MYO5A: variants seen among roughly 807,000 people sequenced by gnomAD.
The protein encoded by MYO5A is unconventional myosin-Va.
MYO5A carries 98 observed loss-of-function variants against 249.7 expected under a neutral mutation model. The ratio of observed to expected loss-of-function variants is 0.39; its 90% CI spans 0.33 to 0.46. The LOEUF (loss-of-function observed/expected upper bound fraction) is 0.46, where lower values mean the gene tolerates loss of function less well. Among genes scored for constraint, MYO5A ranks in the 20% least tolerant of loss-of-function variants. The probability of loss-of-function intolerance (pLI) is 0.98; values close to 1 mark genes in which losing one functional copy is unlikely to be tolerated. For synonymous variants in MYO5A, 778 were observed against 810.6 expected (o/e 0.96, Z 0.68); for missense variants, 1,696 against 2,308.8 (o/e 0.73, Z 5.44).
intron 37 of MYO5A, 71 bp downstream of exon 37, chr15:52,323,284 C>G (rs1166226163): frequency 7.2e-7 from 1 of 1,383,686 alleles, no homozygotes; most frequent in African/African-American, 1.4e-5. Context: ...ACATTTTGTG[C>G]TTTTACATTT....
chr15:52,522,459 C>G (rs1035563438), intron 1 of MYO5A, among the ~76,000 whole-genome samples: 5 of 152,092 alleles, frequency 3.3e-5, no homozygotes, highest in African/African-American at 1.2e-4. Flanking sequence ...GGAGGACATG[C>G]CTTCAGGTGA....
At chr15:52,348,155 G>A (rs2039739723) in intron 29 of MYO5A, among the ~76,000 whole-genome samples, 1 of 152,118 alleles carries the variant, frequency 6.6e-6, no homozygotes, top group Non-Finnish European at 1.5e-5. Flanking sequence ...TGGCACTTGG[G>A]GAATGGGATC....
chr15:52,410,872 G>C (rs1461199149), intron 5 of MYO5A, among the ~76,000 whole-genome samples: 1 of 152,110 alleles, frequency 6.6e-6, no homozygotes, highest in African/African-American at 2.4e-5. Flanking sequence ...CACCACACCT[G>C]GCCAAAACTG....
chr15:52,363,216 C>T (rs938570655), intron 24 of MYO5A, among the ~76,000 whole-genome samples: 1 of 152,032 alleles, frequency 6.6e-6, no homozygotes, highest in Non-Finnish European at 1.5e-5. Context: ...AACATGAACA[C>T]TGAAAAAGAA....
chr15:52,427,376 T>C (rs1378527818), intron 3 of MYO5A, among the ~76,000 whole-genome samples: 1 of 151,816 alleles, frequency 6.6e-6, no homozygotes, highest in East Asian at 1.9e-4. Flanking sequence ...AGAAAATATA[T>C]ATATACATAA....
intron 1 of MYO5A, among the ~76,000 whole-genome samples, chr15:52,471,203 T>C (rs1327142954): frequency 3.3e-5 from 5 of 152,188 alleles, no homozygotes; most frequent in African/African-American, 1.2e-4. Flanking sequence ...ATAGTACAGT[T>C]ATCTTGTCCC....
chr15:52,476,081 G>A (rs1015735926), intron 1 of MYO5A, among the ~76,000 whole-genome samples: 1 of 152,080 alleles, frequency 6.6e-6, no homozygotes, highest in African/African-American at 2.4e-5. Flanking sequence ...CTCCTGTATT[G>A]GGTGCATATA....
At position 52,361,694 on chromosome 15, in the gene MYO5A, T is replaced by C. The variant is rs549236149; in HGVS notation, c.3310-1613A>G. On this transcript the variant is annotated intron_variant, in intron 24 of 41. Coordinates refer to ENST00000399233, the MANE Select transcript of MYO5A (RefSeq NM_001382347.1). Reference sequence around the variant, plus strand: ...TTCAATGAATGTTAACTTCTGCTGCTGTGATTGTTAGGAGATTGCAGTGAT... The same window carrying C: ...TTCAATGAATGTTAACTTCTGCTGCCGTGATTGTTAGGAGATTGCAGTGAT... Among the ~76,000 whole-genome samples the C allele has an allele frequency of 1.6e-4, 25 of 152,382 alleles. No individual in the cohort carries two copies. In the South Asian group the frequency reaches 4.6e-3, roughly 28 times the overall value.
intron 1 of MYO5A, among the ~76,000 whole-genome samples, chr15:52,515,732 G>C (rs2077483793): frequency 6.6e-6 from 1 of 152,174 alleles, no homozygotes; most frequent in African/African-American, 2.4e-5. Context: ...TGTCTGTAGG[G>C]ATCTAGGTTT....
chr15:52,480,298 T>C (rs2076689090), intron 1 of MYO5A, among the ~76,000 whole-genome samples: 1 of 152,216 alleles, frequency 6.6e-6, no homozygotes, highest in South Asian at 2.1e-4. Context: ...CCATCTACAA[T>C]TTGATCTATT....
chr15:52,337,457 T>C (rs1037156956), intron 33 of MYO5A, among the ~76,000 whole-genome samples: 1 of 152,208 alleles, frequency 6.6e-6, no homozygotes, highest in Non-Finnish European at 1.5e-5. Context: ...AAATATTCAT[T>C]TTCCAGTTTA....
chr15:52,482,147 G>C lies in MYO5A; in HGVS notation c.27+46633C>G, dbSNP rs190119006. Among the ~76,000 whole-genome samples, 13 of 152,320 alleles carry C rather than the reference G, an allele frequency of 8.5e-5. No individual in the cohort carries two copies. In the East Asian group the frequency reaches 2.1e-3, roughly 25 times the overall value. ...CACAGGCAAAGATCATACGGAGAAA[G>C]ATGAAAGAGGCATGCACGGGGTCTG... On this transcript the variant is annotated intron_variant, in intron 1 of 41. Coordinates refer to ENST00000399233, the MANE Select transcript of MYO5A (RefSeq NM_001382347.1).
At chr15:52,510,103 A>C (rs1416266989) in intron 1 of MYO5A, among the ~76,000 whole-genome samples, 1 of 58,072 alleles carries the variant, frequency 1.7e-5, no homozygotes, top group Non-Finnish European at 4.6e-5. Flanking sequence ...GACTAAAATG[A>C]AAACCATTCA....
At chr15:52,376,163 T>C (rs761514088) in intron 19 of MYO5A, among the ~76,000 whole-genome samples, 184 bp downstream of exon 19, 5 of 152,198 alleles carry the variant, frequency 3.3e-5, no homozygotes, top group Non-Finnish European at 5.9e-5. Flanking sequence ...TGAAGATAAA[T>C]CTGAATCATT....
chr15:52,404,090 AC>A (rs1315385039), intron 9 of MYO5A, among the ~76,000 whole-genome samples: 2 of 152,010 alleles, frequency 1.3e-5, no homozygotes, highest in Non-Finnish European at 2.9e-5. Flanking sequence ...ACATGGCAAA[AC>A]CCCATCTCTA....
At chr15:52,440,250 G>T (rs975111732) in intron 1 of MYO5A, among the ~76,000 whole-genome samples, 1 of 151,798 alleles carries the variant, frequency 6.6e-6, no homozygotes, top group African/African-American at 2.4e-5. Flanking sequence ...GGAGGCACCA[G>T]CCATCTTTTT....
chr15:52,378,529 A>AAAAAAAAAAAAAAAAAAAAAAG lies in MYO5A; in HGVS notation c.2208+1095_2208+1096insCTTTTTTTTTTTTTTTTTTTTT, dbSNP rs1476819491. On this transcript the variant is annotated intron_variant, in intron 18 of 41. Transcript: ENST00000399233. Reference sequence around the variant, plus strand: ...CAAGACTGTCTCAAAAAAAAAAAAAAAAGAAGGGAATTGGGGCAAACTCAA... The same window carrying AAAAAAAAAAAAAAAAAAAAAAG: ...CAAGACTGTCTCAAAAAAAAAAAAAAAAAAAAAAAAAAAAAAAAAAAGAAGAAGGGAATTGGGGCAAACTCAA... Among the ~76,000 whole-genome samples, 36 of 142,298 alleles carry AAAAAAAAAAAAAAAAAAAAAAG rather than the reference A, an allele frequency of 2.5e-4. 1 individual carries two copies. Among genetic ancestry groups the AAAAAAAAAAAAAAAAAAAAAAG allele is most frequent in the Non-Finnish European group, 4.9e-4 (32 of 64,682 alleles). The allele number at this position is 142,298 out of a possible 152,430, so 93.4% of individuals were successfully genotyped here.
rs1438756318 is a variant in MYO5A at position 52,407,375 on chromosome 15, G to A, written c.863C>T (p.Thr288Ile). 1 of 1,613,380 alleles carries A rather than the reference G, an allele frequency of 6.2e-7. No homozygotes were observed. Reference protein sequence around the residue: ...RLGNADNFNYTKQGGSPVIEG... With the variant: ...RLGNADNFNYIKQGGSPVIEG... ...AATCACAGGACTGCCTCCTTGTTTT[G>A]TGTAATTAAAGTTATCTGCATTTCC... Residue 288 changes from threonine to isoleucine, a missense_variant, in exon 8 of 42, where the codon ACA (threonine) becomes ATA (isoleucine). By Grantham distance (89) the Thr-to-Ile change is moderately conservative. Coordinates refer to ENST00000399233, the MANE Select transcript of MYO5A (RefSeq NM_001382347.1).
At chr15:52,525,360 C>A (rs1693509) in intron 1 of MYO5A, among the ~76,000 whole-genome samples, 139,073 of 152,232 alleles carry the variant, frequency 0.91, 64,897 homozygotes, top group East Asian at 1. Flanking sequence ...CGTTTCCAGA[C>A]AAGTATCCCA....
Sources: allele counts gnomAD v4.1 joint callset (sites outside exome capture counted in the v4.1 genomes callset), GRCh38; gene constraint gnomAD v4.1.1; transcripts MANE v1.5; gene names NCBI Gene and HGNC (gene_info 2026-07-23, HGNC 2026-07-21).